ZNF138: variants seen among roughly 807,000 people sequenced by gnomAD.
The protein encoded by ZNF138 is zinc finger protein 138 (clone pHZ-32).
ZNF138 carries 33 observed loss-of-function variants against 33.0 expected under a neutral mutation model. That is an observed-to-expected ratio of 1.00 (90% CI 0.76 to 1.34). The LOEUF (loss-of-function observed/expected upper bound fraction) is 1.34, where lower values mean the gene tolerates loss of function less well. ZNF138 is among the 40% of genes most tolerant of loss of function. The pLI is 0.00. For synonymous variants in ZNF138, 139 were observed against 120.4 expected, an observed-to-expected ratio of 1.15 and a Z score of -1.01; for missense variants, 360 against 370.8, an observed-to-expected ratio of 0.97 and a Z score of 0.24.
At position 64,806,076 on chromosome 7, in the gene ZNF138, C is replaced by T. The variant is rs1787571524; in HGVS notation, c.4-8842C>T. Among the ~76,000 whole-genome samples, 3 of 152,190 alleles carry T rather than the reference C, an allele frequency of 2.0e-5. No homozygotes were observed. The South Asian group carries it at 6.2e-4, about 31-fold the overall frequency. On this transcript the variant is annotated intron_variant, in intron 1 of 3. Transcript: ENST00000307355. The stretch of plus-strand genomic sequence containing the variant: ...GTGGAGTTATTCTGGTGCTGGAGAA[C>T]TCTTTTCTTTTAATTATATTTTCCA...
chr7:64,815,444 T>A (rs1002276007), intron 2 of ZNF138, 132 bp from the exon 3 acceptor site: 5 of 647,262 alleles, frequency 7.7e-6, no homozygotes, highest in African/African-American at 7.7e-5. Flanking sequence ...ATTAGCATTT[T>A]GGGATTAATT....
the ZNF138 span, among the ~76,000 whole-genome samples, chr7:64,842,151 C>A: frequency 6.6e-5 from 10 of 152,196 alleles, no homozygotes; most frequent in African/African-American, 2.4e-4. Flanking sequence ...GCAACCTCCG[C>A]CTCTTGGGTG....
intron 1 of ZNF138, among the ~76,000 whole-genome samples, chr7:64,813,396 G>C (rs979662915): frequency 6.7e-6 from 1 of 149,772 alleles, no homozygotes; most frequent in African/African-American, 2.5e-5. Flanking sequence ...AGAAATTACA[G>C]AACATGAATT....
At chr7:64,846,957 G>T in the ZNF138 span, among the ~76,000 whole-genome samples, 1 of 152,062 alleles carries the variant, frequency 6.6e-6, no homozygotes, top group Non-Finnish European at 1.5e-5. Flanking sequence ...TTTGCTGAGG[G>T]TTTTAATCAT....
intron 1 of ZNF138, among the ~76,000 whole-genome samples, chr7:64,812,187 C>A (rs1788230904): frequency 6.7e-6 from 1 of 150,136 alleles, no homozygotes; most frequent in East Asian, 1.9e-4. Flanking sequence ...GAGACCCAGT[C>A]TTGCTCTGTC....
At chr7:64,808,323 C>T (rs1004449790) in intron 1 of ZNF138, among the ~76,000 whole-genome samples, 13 of 152,120 alleles carry the variant, frequency 8.5e-5, no homozygotes, top group Non-Finnish European at 1.3e-4. Context: ...TCTGGAGACC[C>T]AAAGGGATAA....
the ZNF138 span, among the ~76,000 whole-genome samples, chr7:64,849,200 T>A: frequency 6.6e-6 from 1 of 152,190 alleles, no homozygotes; most frequent in African/African-American, 2.4e-5. Context: ...AGAGCCAAGC[T>A]GTAATGATTG....
intron 3 of ZNF138, 22 bp downstream of exon 3, chr7:64,815,675 G>C (rs758386461): frequency 6.2e-7 from 1 of 1,600,298 alleles, no homozygotes; most frequent in African/African-American, 1.3e-5. Flanking sequence ...TGAATACACA[G>C]ATGGCACAGA....
chr7:64,801,879 AAAGTT>A (rs1335559566), intron 1 of ZNF138, among the ~76,000 whole-genome samples: 1 of 152,198 alleles, frequency 6.6e-6, no homozygotes, highest in African/African-American at 2.4e-5. Context: ...GCCAAACAGA[AAAGTT>A]AAGCTGGGAA....
At chr7:64,817,421 C>T (rs577883770) in intron 3 of ZNF138, among the ~76,000 whole-genome samples, 4 of 152,276 alleles carry the variant, frequency 2.6e-5, no homozygotes, top group East Asian at 1.9e-4. Flanking sequence ...AGTTTGCCAC[C>T]TGAATGAGGG....
chr7:64,843,436 T>C, the ZNF138 span, among the ~76,000 whole-genome samples: 1 of 152,224 alleles, frequency 6.6e-6, no homozygotes, highest in Non-Finnish European at 1.5e-5. Context: ...TGTGCAAGCA[T>C]TGCCATTTTT....
At chr7:64,826,725 C>T (rs1222531839) in intron 3 of ZNF138, among the ~76,000 whole-genome samples, 2 of 152,108 alleles carry the variant, frequency 1.3e-5, no homozygotes, top group Non-Finnish European at 2.9e-5. Context: ...TCTCGGTTCA[C>T]TGTAACTTCT....
At position 64,815,648 on chromosome 7, in the gene ZNF138, A is replaced by T; in HGVS notation, c.203A>T (p.His68Leu). Residue 68 changes from histidine (H) to leucine (L), a missense_variant, in exon 3 of 4, where the codon CAT (histidine) becomes CTT (leucine). Physicochemically the swap from His to Leu is moderately conservative, Grantham distance 99. Coordinates refer to ENST00000307355, the MANE Select transcript of ZNF138 (RefSeq NM_001271639.2). ...AGACATGAGATGGTGGTAGCCAAAC[A>T]TTCAGGTAGGTGAGAGTGAATACAC... is the stretch of plus-strand genomic sequence containing the variant. ...MKRHEMVVAKHSALCSRFAQD... is the reference protein window; with the variant it reads ...MKRHEMVVAKLSALCSRFAQD... The T allele has an allele frequency of 6.2e-7, 1 of 1,611,288 alleles. No homozygotes were observed.
At chr7:64,846,624 G>A in the ZNF138 span, among the ~76,000 whole-genome samples, 1 of 152,112 alleles carries the variant, frequency 6.6e-6, no homozygotes, top group Non-Finnish European at 1.5e-5. Context: ...GTATTGTGAA[G>A]CTTTGCTGAA....
the ZNF138 span, among the ~76,000 whole-genome samples, chr7:64,850,829 C>A: frequency 6.6e-6 from 1 of 152,158 alleles, no homozygotes; most frequent in Admixed American, 6.5e-5. Context: ...TTTATTGATT[C>A]TTTTAGATCA....
At chr7:64,812,589 G>A (rs1173898504) in intron 1 of ZNF138, among the ~76,000 whole-genome samples, 3 of 152,168 alleles carry the variant, frequency 2.0e-5, no homozygotes, top group African/African-American at 7.2e-5. Context: ...GAGCACCTGA[G>A]GACAGGAAAG....
the ZNF138 span, among the ~76,000 whole-genome samples, chr7:64,859,392 C>T: frequency 6.6e-6 from 1 of 152,064 alleles, no homozygotes; most frequent in Non-Finnish European, 1.5e-5. Context: ...CTTTTGTAAC[C>T]TGTTCATGTC....
At chr7:64,840,456 A>T in the ZNF138 span, among the ~76,000 whole-genome samples, 1 of 124,354 alleles carries the variant, frequency 8.0e-6, no homozygotes, top group East Asian at 2.4e-4. Context: ...TTGTGTGTAC[A>T]TAGTATCTGT....
rs1189378256 is a variant in ZNF138 at position 64,810,936 on chromosome 7, G to GT, written c.4-3975dup. Among the ~76,000 whole-genome samples, 8 of 151,394 alleles carry GT rather than the reference G, an allele frequency of 5.3e-5. No homozygotes were observed. In the East Asian group the frequency reaches 7.7e-4, roughly 15 times the overall value. On this transcript the variant is annotated intron_variant, in intron 1 of 3. Transcript: ENST00000307355. ...ATGTATTTTAGGGTCTTAATTTTTA[G>GT]TTTTTTTATTAAAACCAGTGCTTGC...
Sources: gnomAD v4.1 joint callset for allele counts (sites outside exome capture counted in the v4.1 genomes callset) on GRCh38, gnomAD v4.1.1 for gene constraint, MANE v1.5 for transcripts, NCBI Gene and HGNC (gene_info 2026-07-23, HGNC 2026-07-21) for gene names.